The following SPECC1 variants were observed in gnomAD, a reference collection of about 807,000 sequenced individuals.
SPECC1 encodes the protein cytospin-B.
In SPECC1, 62 loss-of-function variants were observed where a neutral mutation model predicts 104.1. That is an observed-to-expected ratio of 0.60 (90% CI 0.49 to 0.74). The LOEUF (loss-of-function observed/expected upper bound fraction) is 0.74. Among genes scored for constraint, SPECC1 ranks in the 30% least tolerant of loss-of-function variants. SPECC1 has a pLI of 0.00. For missense variants in SPECC1, 1,306 were observed against 1,310.5 expected (o/e 1.00, Z 0.05); for synonymous variants, 513 against 501.6 (o/e 1.02, Z -0.30).
chr17:20,063,794 A>G (rs566847420), intron 1 of SPECC1, among the ~76,000 whole-genome samples: 1 of 151,328 alleles, frequency 6.6e-6, no homozygotes, highest in Non-Finnish European at 1.5e-5. Context: ...AGTAGAGAGT[A>G]GTGCTTGACC....
intron 4 of SPECC1, among the ~76,000 whole-genome samples, chr17:20,216,895 G>T (rs913426795): frequency 9.9e-5 from 15 of 152,082 alleles, no homozygotes; most frequent in Admixed American, 9.8e-4. Context: ...ATGTTGGGTG[G>T]TCTCCCTGTA....
chr17:20,107,763 T>G (rs866273137), intron 2 of SPECC1, among the ~76,000 whole-genome samples: 20 of 152,302 alleles, frequency 1.3e-4, no homozygotes, highest in African/African-American at 4.3e-4. Context: ...TGACCTCAGG[T>G]GATCTGCCCG....
intron 3 of SPECC1, among the ~76,000 whole-genome samples, chr17:20,147,430 T>TA (rs1390030503): frequency 1.3e-5 from 2 of 152,192 alleles, no homozygotes; most frequent in Non-Finnish European, 2.9e-5. Flanking sequence ...GGCTATTTGG[T>TA]AAAAAATTAT....
At chr17:20,082,957 T>TGTTCGTTC (rs5819696) in intron 1 of SPECC1, among the ~76,000 whole-genome samples, 284 of 147,758 alleles carry the variant, frequency 1.9e-3, no homozygotes, top group South Asian at 5.7e-3. Context: ...TGTCCTTTGG[T>TGTTCGTTC]GTTCGTTCGT....
intron 2 of SPECC1, among the ~76,000 whole-genome samples, chr17:20,102,139 G>C (rs542686705): frequency 6.6e-6 from 1 of 152,138 alleles, no homozygotes; most frequent in Non-Finnish European, 1.5e-5. Context: ...AGGAAACAAA[G>C]CAAAAAATGC....
intron 1 of SPECC1, among the ~76,000 whole-genome samples, chr17:20,024,279 A>G (rs1215632747): frequency 6.6e-6 from 1 of 152,082 alleles, no homozygotes; most frequent in East Asian, 1.9e-4. Context: ...CCACTTTTTA[A>G]TTTCTCTGGC....
At chr17:20,184,943 G>C (rs2035158878) in intron 3 of SPECC1, 1 of 152,254 alleles carries the variant, frequency 6.6e-6, no homozygotes, top group Non-Finnish European at 1.5e-5. Context: ...AACAGGATCA[G>C]CTGGCCTGAG....
Position 20,236,786 on chromosome 17 carries a change from GC to G in SPECC1, c.2351+4382del, listed in dbSNP as rs970943404. 4.8e-5 allele frequency: 76 copies of G among 1,576,970 alleles called. No individual in the cohort carries two copies. In the Middle Eastern group the frequency reaches 6.7e-4, roughly 14 times the overall value. Reference sequence around the variant, plus strand: ...GGGACAGTGTAAGCTGGAAATTCTTGCGTTTGTGAACTAAGACTGTATTGCC... The same window carrying G: ...GGGACAGTGTAAGCTGGAAATTCTTGGTTTGTGAACTAAGACTGTATTGCC... On this transcript the variant is annotated intron_variant, in intron 7 of 14. Coordinates refer to ENST00000395527, the MANE Select transcript of SPECC1 (RefSeq NM_001243439.2).
At chr17:20,102,035 T>C (rs1023881890) in intron 2 of SPECC1, among the ~76,000 whole-genome samples, 1 of 152,248 alleles carries the variant, frequency 6.6e-6, no homozygotes, top group Non-Finnish European at 1.5e-5. Flanking sequence ...AAGCTGTTAA[T>C]GAAGATACTT....
intron 12 of SPECC1, among the ~76,000 whole-genome samples, chr17:20,285,946 T>G (rs1213005278): frequency 6.6e-6 from 1 of 152,080 alleles, no homozygotes; most frequent in East Asian, 1.9e-4. Context: ...TCCCAGTAGC[T>G]GGGATTATAG....
intron 1 of SPECC1, among the ~76,000 whole-genome samples, chr17:20,011,086 T>A (rs1860302): frequency 0.48 from 72,439 of 152,010 alleles, 17,648 homozygotes; most frequent in Middle Eastern, 0.54. Flanking sequence ...GGTATCTGAG[T>A]TTGGCATATA....
chr17:20,156,581 C>T (rs2032566386), intron 3 of SPECC1, among the ~76,000 whole-genome samples: 1 of 152,096 alleles, frequency 6.6e-6, no homozygotes, highest in Non-Finnish European at 1.5e-5. Flanking sequence ...CGGGCGTTTG[C>T]GGGGAGGGCG....
chr17:20,121,359 AT>A (rs926956502), intron 3 of SPECC1, among the ~76,000 whole-genome samples: 1 of 98,960 alleles, frequency 1.0e-5, no homozygotes, highest in Non-Finnish European at 2.3e-5. Context: ...AGAATTCTGA[AT>A]TCTTTTTTTT....
chr17:20,147,034 T>C (rs1285802116), intron 3 of SPECC1, among the ~76,000 whole-genome samples: 1 of 152,156 alleles, frequency 6.6e-6, no homozygotes, highest in Non-Finnish European at 1.5e-5. Flanking sequence ...GTTGTCAGTC[T>C]TTTGGATTTT....
chr17:20,253,721 G>GTACA, intron 10 of SPECC1, 135 bp downstream of exon 10: 1 of 801,762 alleles, frequency 1.2e-6, no homozygotes, highest in Non-Finnish European at 2.0e-6. Flanking sequence ...CCCGAATAAT[G>GTACA]TACATATCAT....
At chr17:20,268,868 A>G (rs1405454359) in intron 12 of SPECC1, among the ~76,000 whole-genome samples, 3 of 151,774 alleles carry the variant, frequency 2.0e-5, no homozygotes, top group Non-Finnish European at 2.9e-5. Context: ...ACCCGCTCCC[A>G]CTCCCACTCT....
intron 3 of SPECC1, among the ~76,000 whole-genome samples, chr17:20,126,203 C>T (rs918682467): frequency 6.6e-6 from 1 of 152,118 alleles, no homozygotes; most frequent in Non-Finnish European, 1.5e-5. Flanking sequence ...TCCCTCCTTC[C>T]CTGCTCTCCT....
rs150841930 is a variant in SPECC1, at chr17:20,282,689, C to G, written c.2941-14272C>G. 6.4e-3 allele frequency among the ~76,000 whole-genome samples: 970 copies of G among 152,254 alleles called. 7 individuals are homozygous for G. The highest frequency in any genetic ancestry group is 0.022 in the African/African-American group (916 of 41,544). ...CCCCTTCACACGTCATTCTGCCCAC[C>G]GTAGCGTTGCAGAAGCAAAGACACA... On this transcript the variant is annotated intron_variant, in intron 12 of 14. Coordinates refer to ENST00000395527, the MANE Select transcript of SPECC1 (RefSeq NM_001243439.2).
intron 3 of SPECC1, among the ~76,000 whole-genome samples, chr17:20,199,396 T>G (rs1298903720): frequency 4.2e-5 from 6 of 143,482 alleles, no homozygotes; most frequent in Non-Finnish European, 7.6e-5. Flanking sequence ...TTTTTTTTTT[T>G]TTTTTTTTTT....
Sources: allele counts gnomAD v4.1 joint callset (sites outside exome capture counted in the v4.1 genomes callset), GRCh38; gene constraint gnomAD v4.1.1; transcripts MANE v1.5; gene names NCBI Gene and HGNC (gene_info 2026-07-23, HGNC 2026-07-21).